The following NUP205 variants were observed in gnomAD, a reference collection of about 807,000 sequenced individuals.
NUP205 encodes the protein nuclear pore complex protein Nup205.
NUP205 carries 76 observed loss-of-function variants against 253.8 expected under a neutral mutation model. The observed-to-expected ratio is 0.30, with a 90% CI of 0.25 to 0.36. NUP205 has a LOEUF of 0.36. NUP205 is among the 10% of genes least tolerant of loss of function. The pLI is 1.00. For synonymous variants in NUP205, 832 were observed against 850.1 expected, an observed-to-expected ratio of 0.98 and a Z score of 0.37; for missense variants, 2,162 against 2,425.5, an observed-to-expected ratio of 0.89 and a Z score of 2.28.
At chr7:135,580,172 C>G (rs557072611) in intron 7 of NUP205, among the ~76,000 whole-genome samples, 1 of 152,276 alleles carries the variant, frequency 6.6e-6, no homozygotes, top group East Asian at 1.9e-4. Context: ...TCAACAGATT[C>G]TAGTATCTTA....
chr7:135,608,027 T>C (rs1203887639), intron 22 of NUP205, among the ~76,000 whole-genome samples: 3 of 778 alleles, frequency 3.9e-3, no homozygotes, highest in Non-Finnish European at 0.011. Context: ...GGAAAGCACT[T>C]TTTTTTTTTT....
chr7:135,619,785 C>T lies in NUP205; in HGVS notation c.4232-5C>T. The T allele has an allele frequency of 1.2e-6, 2 of 1,608,942 alleles. No individual in the cohort carries two copies. Among genetic ancestry groups the T allele is most frequent in the Non-Finnish European group, 1.7e-6 (2 of 1,177,210 alleles). On this transcript the variant is annotated splice_region_variant and splice_polypyrimidine_tract_variant and intron_variant, in intron 29 of 42. Coordinates refer to ENST00000285968, the MANE Select transcript of NUP205 (RefSeq NM_015135.3). ...TTTCATTTGACATCTTCCTAATCTC[C>T]CTAGGTGGTGGATTCCAACGAGTGA... is the stretch of plus-strand genomic sequence containing the variant.
At chr7:135,620,303 G>C (rs1794448862) in intron 30 of NUP205, among the ~76,000 whole-genome samples, 2 of 152,164 alleles carry the variant, frequency 1.3e-5, no homozygotes, top group South Asian at 4.1e-4. Flanking sequence ...GGAGGCCGAG[G>C]CCTGTGGATC....
At chr7:135,587,231 A>T (rs551095694) in intron 8 of NUP205, among the ~76,000 whole-genome samples, 1 of 152,264 alleles carries the variant, frequency 6.6e-6, no homozygotes, top group East Asian at 1.9e-4. Context: ...GATAGTTGGT[A>T]GGTAGTTCCA....
chr7:135,561,171 C>T (rs1805570379), intron 1 of NUP205, among the ~76,000 whole-genome samples: 1 of 151,898 alleles, frequency 6.6e-6, no homozygotes, highest in African/African-American at 2.4e-5. Context: ...ATGGTGAAAC[C>T]CTGTCTCTAC....
Position 135,643,245 on chromosome 7 carries a change from A to G in NUP205, c.5446A>G (p.Ile1816Val), listed in dbSNP as rs761655149. The change falls in exon 39 of 43, where the codon ATC becomes GTC. Residue 1816 changes from isoleucine to valine, a missense_variant. Around this residue, in one of 5 missense-constraint regions of NUP205, gnomAD observed 1,144 missense variants for 1,280.9 expected, o/e 0.89. Transcript: ENST00000285968. ...YWRLPGLGII[I>V]YLLKQSANDF... Reference sequence around the variant, plus strand: ...GCGCCTGCCTGGTTTAGGCATTATCATCTACCTGCTGAAACAGAGTGCTAA... The same window carrying G: ...GCGCCTGCCTGGTTTAGGCATTATCGTCTACCTGCTGAAACAGAGTGCTAA... 47 of 1,614,032 alleles carry G rather than the reference A, an allele frequency of 2.9e-5. No individual in the cohort carries two copies. Among genetic ancestry groups the G allele is most frequent in the Non-Finnish European group, 4.0e-5 (47 of 1,180,006 alleles).
At chr7:135,601,197 C>T (rs998962624) in intron 16 of NUP205, among the ~76,000 whole-genome samples, 173 bp from the exon 17 acceptor site, 16 of 151,990 alleles carry the variant, frequency 1.1e-4, no homozygotes, top group African/African-American at 3.6e-4. Context: ...AGCTGACTAA[C>T]TGCTTTGTGC....
At chr7:135,611,768 G>T (rs1213445820) in intron 22 of NUP205, among the ~76,000 whole-genome samples, 1 of 152,046 alleles carries the variant, frequency 6.6e-6, no homozygotes, top group Non-Finnish European at 1.5e-5. Context: ...GAACCTGGGA[G>T]GTGGCAGTTG....
intron 8 of NUP205, among the ~76,000 whole-genome samples, chr7:135,585,693 A>G (rs151183110): frequency 2.5e-4 from 38 of 152,148 alleles, no homozygotes; most frequent in African/African-American, 8.7e-4. Context: ...CTGGGATTAC[A>G]GGCGCCCGCC....
At chr7:135,565,257 TTA>T (rs1402136667) in intron 1 of NUP205, among the ~76,000 whole-genome samples, 3 of 152,188 alleles carry the variant, frequency 2.0e-5, no homozygotes, top group African/African-American at 2.4e-5. Flanking sequence ...TGTCAGCACT[TTA>T]TCAGATTTCT....
At position 135,643,347 on chromosome 7, in the gene NUP205, G is replaced by A. The variant is rs757831057; in HGVS notation, c.5548G>A (p.Glu1850Lys). 2 of 1,613,560 alleles carry A rather than the reference G, an allele frequency of 1.2e-6. No individual in the cohort carries two copies. Among genetic ancestry groups the A allele is most frequent in the South Asian group, 1.1e-5 (1 of 91,046 alleles). The part of the protein sequence containing the change: ...LQNVEQLPPD[E>K]IKELCQSVMP... ...AAATGTAGAGCAGCTTCCCCCAGAT[G>A]AGATAAAAGAGGTACGAATCTTATA... Residue 1850 changes from glutamate to lysine, a missense_variant, in exon 39 of 43, where the codon GAG (glutamate) becomes AAG (lysine). Glu to Lys is a moderately conservative substitution (Grantham distance 56). Transcript: ENST00000285968.
chr7:135,607,126 A>G, intron 21 of NUP205, 121 bp from the exon 22 acceptor site: 3 of 1,303,014 alleles, frequency 2.3e-6, no homozygotes, highest in Non-Finnish European at 3.2e-6. Flanking sequence ...TGTTATCAGT[A>G]TTTGAAAGAG....
chr7:135,572,828 T>G (rs1401265025), intron 2 of NUP205, among the ~76,000 whole-genome samples: 1 of 152,222 alleles, frequency 6.6e-6, no homozygotes, highest in Non-Finnish European at 1.5e-5. Context: ...GTGCTAGGAT[T>G]ATAGGCATGA....
chr7:135,590,286 A>G (rs1003607383), intron 10 of NUP205, among the ~76,000 whole-genome samples: 2 of 145,276 alleles, frequency 1.4e-5, no homozygotes, highest in Non-Finnish European at 3.1e-5. Context: ...TAACTTTTGT[A>G]TTGTTTTAGT....
intron 4 of NUP205, 35 bp from the exon 5 acceptor site, chr7:135,576,934 G>A (rs1425639281): frequency 1.9e-6 from 3 of 1,585,818 alleles, no homozygotes; most frequent in South Asian, 1.1e-5. Context: ...AAACAATATT[G>A]TTTAACGTAG....
Position 135,602,895 on chromosome 7 carries a change from G to A in NUP205, c.2603G>A (p.Arg868Lys). 1 of 1,613,666 alleles carries A rather than the reference G, an allele frequency of 6.2e-7. No homozygotes were observed. Among genetic ancestry groups the A allele is most frequent in the Non-Finnish European group, 8.5e-7 (1 of 1,179,618 alleles). Reference sequence around the variant, plus strand: ...GAAAATCTTTTTATGGACCTTCTAAGAGAGAGTCAACTGGCTCTAATAGTC... The same window carrying A: ...GAAAATCTTTTTATGGACCTTCTAAAAGAGAGTCAACTGGCTCTAATAGTC... Reference protein sequence around the residue: ...QKENLFMDLLRESQLALIVCP... With the variant: ...QKENLFMDLLKESQLALIVCP... Residue 868 changes from arginine to lysine, a missense_variant, in exon 18 of 43, where the codon AGA (arginine) becomes AAA (lysine). Around this residue, in one of 5 missense-constraint regions of NUP205, gnomAD observed 892 missense variants for 957.1 expected, o/e 0.93. Transcript: ENST00000285968.
intron 33 of NUP205, 91 bp downstream of exon 33, chr7:135,626,452 A>C: frequency 2.9e-6 from 4 of 1,394,200 alleles, no homozygotes; most frequent in East Asian, 2.4e-5. Context: ...GCCGCTTAGC[A>C]ATTCTCTTTC....
Position 135,577,121 on chromosome 7 carries a change from G to A in NUP205, c.641G>A (p.Arg214His), listed in dbSNP as rs1450377245. Residue 214 changes from arginine to histidine, a missense_variant, in exon 5 of 43, where the codon CGC (arginine) becomes CAC (histidine). Physicochemically the swap from Arg to His is conservative, Grantham distance 29 (BLOSUM62 0). Around this residue, in one of 5 missense-constraint regions of NUP205, gnomAD observed 892 missense variants for 957.1 expected, o/e 0.93. Transcript: ENST00000285968. Reference protein sequence around the residue: ...RERGLGSEKHRKEVSDLIKEC... With the variant: ...RERGLGSEKHHKEVSDLIKEC... Reference sequence around the variant, plus strand: ...AGAGGTTTGGGCAGTGAAAAACATCGCAAAGAGGCAAGGGTTCAATGAAAT... The same window carrying A: ...AGAGGTTTGGGCAGTGAAAAACATCACAAAGAGGCAAGGGTTCAATGAAAT... The A allele has an allele frequency of 7.5e-6, 12 of 1,609,496 alleles. No homozygotes were observed. The highest frequency in any genetic ancestry group is 1.7e-5 in the Admixed American group (1 of 58,828).
At position 135,648,398 on chromosome 7, in the gene NUP205, C is replaced by T. The variant is rs375406324; in HGVS notation, c.5887-6C>T. ...TTTAACAAAATGTCTTTTGTGTCACCGCTAGCTTCAGGCTGATGCAATCAA... is the reference window on the plus strand; with the variant it reads ...TTTAACAAAATGTCTTTTGTGTCACTGCTAGCTTCAGGCTGATGCAATCAA... On this transcript the variant is annotated splice_region_variant and splice_polypyrimidine_tract_variant and intron_variant, in intron 42 of 42. Transcript: ENST00000285968. 87 of 1,558,692 alleles carry T rather than the reference C, an allele frequency of 5.6e-5. No individual in the cohort carries two copies. The highest frequency in any genetic ancestry group is 6.6e-5 in the Non-Finnish European group (77 of 1,158,366).
Sources: gnomAD v4.1 joint callset for allele counts (sites outside exome capture counted in the v4.1 genomes callset) on GRCh38, gnomAD v4.1.1 for gene constraint, gnomAD v4.1.1 regional missense constraint, MANE v1.5 for transcripts, NCBI Gene and HGNC (gene_info 2026-07-23, HGNC 2026-07-21) for gene names.